Variants in CSMD1 observed in about 807,000 individuals in gnomAD.
The protein encoded by CSMD1 is CUB and sushi domain-containing protein 1.
CSMD1 carries 213 observed loss-of-function variants against 417.5 expected under a neutral mutation model. The observed-to-expected ratio is 0.51, with a 90% CI of 0.46 to 0.57. CSMD1 has a LOEUF of 0.57. Among genes scored for constraint, CSMD1 ranks in the 20% least tolerant of loss-of-function variants. The pLI is 0.00. For missense variants in CSMD1, 6,923 were observed against 4,529.7 expected (o/e 1.53, Z -15.17); for synonymous variants, 2,862 against 1,736.8 (o/e 1.65, Z -16.11).
At chr8:3,553,287 G>A (rs1044153745) in intron 10 of CSMD1, among the ~76,000 whole-genome samples, 4 of 152,146 alleles carry the variant, frequency 2.6e-5, no homozygotes, top group Non-Finnish European at 2.9e-5. Flanking sequence ...GTCAGCACAC[G>A]CTTGGTGAAA....
intron 2 of CSMD1, among the ~76,000 whole-genome samples, chr8:4,439,514 A>T (rs986866460): frequency 2.0e-5 from 3 of 150,946 alleles, no homozygotes; most frequent in Admixed American, 6.6e-5. Flanking sequence ...AGCTATATAC[A>T]TATATGCATA....
At chr8:2,947,127 A>C (rs923396086) in intron 68 of CSMD1, among the ~76,000 whole-genome samples, 1 of 152,200 alleles carries the variant, frequency 6.6e-6, no homozygotes, top group African/African-American at 2.4e-5. Context: ...CAAGTCACTT[A>C]TCAGGTACAT....
At chr8:3,503,437 T>C (rs1029448682) in intron 10 of CSMD1, among the ~76,000 whole-genome samples, 1 of 152,246 alleles carries the variant, frequency 6.6e-6, no homozygotes, top group Admixed American at 6.5e-5. Flanking sequence ...GCACAGGCAG[T>C]GAAAAGCGCA....
intron 5 of CSMD1, among the ~76,000 whole-genome samples, chr8:3,904,613 C>CTCTT (rs894544807): frequency 2.0e-5 from 3 of 149,702 alleles, no homozygotes; most frequent in East Asian, 2.0e-4. Flanking sequence ...TTTCCTTTTT[C>CTCTT]TCTTTCTTTC....
At chr8:4,741,708 G>A (rs149560789) in intron 1 of CSMD1, among the ~76,000 whole-genome samples, 20 of 152,236 alleles carry the variant, frequency 1.3e-4, no homozygotes, top group African/African-American at 4.8e-4. Flanking sequence ...ACTACTCCAG[G>A]TTCCCACATC....
chr8:3,661,015 AT>A (rs899112871), intron 7 of CSMD1, among the ~76,000 whole-genome samples: 7 of 152,188 alleles, frequency 4.6e-5, no homozygotes, highest in African/African-American at 1.7e-4. Context: ...GTCAACTGCT[AT>A]TTGGTATGCG....
rs552240521 is a variant in CSMD1 at position 3,210,960 on chromosome 8, T to G, written c.4867+3537A>C. Among the ~76,000 whole-genome samples the G allele has an allele frequency of 6.6e-5, 10 of 151,234 alleles. No individual in the cohort carries two copies. The South Asian group carries it at 2.1e-3, about 31-fold the overall frequency. On this transcript the variant is annotated intron_variant, in intron 30 of 69. Coordinates refer to ENST00000635120, the MANE Select transcript of CSMD1 (RefSeq NM_033225.6). ...AGACTCTATATAATTGCTAAAGATA[T>G]CTGAAGTGGGGGAAAAATACACCAG...
chr8:3,004,546 G>C (rs1410805489), intron 52 of CSMD1, among the ~76,000 whole-genome samples: 1 of 152,184 alleles, frequency 6.6e-6, no homozygotes, highest in African/African-American at 2.4e-5. Flanking sequence ...CTATGCAACT[G>C]TAAATTCATA....
chr8:2,958,290 T>C (rs1729189414), intron 62 of CSMD1, among the ~76,000 whole-genome samples: 1 of 152,212 alleles, frequency 6.6e-6, no homozygotes, highest in Non-Finnish European at 1.5e-5. Context: ...TCTGAATGTC[T>C]GAGGCGTCTT....
chr8:3,809,754 G>C (rs1800958267), intron 5 of CSMD1, among the ~76,000 whole-genome samples: 1 of 152,148 alleles, frequency 6.6e-6, no homozygotes, highest in Non-Finnish European at 1.5e-5. Flanking sequence ...GAGGGGAGTT[G>C]AGACAACAGG....
chr8:3,380,680 G>C (rs1256758512), intron 18 of CSMD1, among the ~76,000 whole-genome samples: 1 of 152,120 alleles, frequency 6.6e-6, no homozygotes, highest in Non-Finnish European at 1.5e-5. Context: ...ATAAGAGGGA[G>C]CTGAACAATG....
At chr8:3,682,753 T>C (rs1267343710) in intron 7 of CSMD1, among the ~76,000 whole-genome samples, 3 of 152,198 alleles carry the variant, frequency 2.0e-5, no homozygotes, top group African/African-American at 7.2e-5. Context: ...GTATGTTTAT[T>C]GCGGCACTAT....
chr8:3,084,905 G>C (rs553229699), intron 49 of CSMD1, among the ~76,000 whole-genome samples: 137 of 148,704 alleles, frequency 9.2e-4, no homozygotes, highest in South Asian at 1.1e-3. Flanking sequence ...ATTTTGTTTT[G>C]TTTTAAGCAT....
At chr8:4,127,976 G>A (rs576890860) in intron 3 of CSMD1, among the ~76,000 whole-genome samples, 2 of 152,302 alleles carry the variant, frequency 1.3e-5, no homozygotes, top group Admixed American at 6.5e-5. Flanking sequence ...ATTGGTAAAT[G>A]CCACTGCTTT....
intron 10 of CSMD1, among the ~76,000 whole-genome samples, chr8:3,513,271 TG>T (rs1206707102): frequency 6.6e-6 from 1 of 152,108 alleles, no homozygotes; most frequent in Non-Finnish European, 1.5e-5. Flanking sequence ...TTTTGTTTTT[TG>T]TAAGAGGAGT....
intron 3 of CSMD1, among the ~76,000 whole-genome samples, chr8:4,318,338 C>A (rs961756199): frequency 6.6e-6 from 1 of 152,108 alleles, no homozygotes; most frequent in Non-Finnish European, 1.5e-5. Flanking sequence ...GGTCATCCAT[C>A]CCTCCTCTCT....
At chr8:4,435,998 G>A (rs964711467) in intron 2 of CSMD1, among the ~76,000 whole-genome samples, 2 of 152,106 alleles carry the variant, frequency 1.3e-5, no homozygotes, top group Non-Finnish European at 1.5e-5. Flanking sequence ...CAAACATATT[G>A]AATTAACTTC....
At position 3,871,109 on chromosome 8, in the gene CSMD1, T is replaced by C. The variant is rs549838990; in HGVS notation, c.819-117067A>G. Among the ~76,000 whole-genome samples, 6 of 152,216 alleles carry C rather than the reference T, an allele frequency of 3.9e-5. No homozygotes were observed. The South Asian group carries it at 1.2e-3, about 32-fold the overall frequency. ...TTAACAATTGTCCTATTAATAGACA[T>C]CTAGAATATTTTCAATTTTTTAAAA... On this transcript the variant is annotated intron_variant, in intron 5 of 69. Coordinates refer to ENST00000635120, the MANE Select transcript of CSMD1 (RefSeq NM_033225.6).
chr8:4,464,567 G>A (rs1365607960), intron 2 of CSMD1, among the ~76,000 whole-genome samples: 2 of 152,072 alleles, frequency 1.3e-5, no homozygotes, highest in Non-Finnish European at 2.9e-5. Context: ...GGTCGTATGG[G>A]TACTCAACGG....
Sources: gnomAD v4.1 joint callset for allele counts (sites outside exome capture counted in the v4.1 genomes callset) on GRCh38, gnomAD v4.1.1 for gene constraint, MANE v1.5 for transcripts, NCBI Gene and HGNC (gene_info 2026-07-23, HGNC 2026-07-21) for gene names.